Variants in PKD1L1 observed in about 807,000 individuals in gnomAD.
PKD1L1 encodes the protein polycystin-1-like protein 1.
In PKD1L1, 236 loss-of-function variants were observed where a neutral mutation model predicts 323.4. That is an observed-to-expected ratio of 0.73 (90% CI 0.66 to 0.81). The LOEUF (loss-of-function observed/expected upper bound fraction) is 0.81. Ranked by LOEUF, PKD1L1 falls within the 40% of genes least tolerant of loss-of-function variation. The pLI is 0.00. For missense variants in PKD1L1, 3,320 were observed against 3,508.0 expected, an observed-to-expected ratio of 0.95 and a Z score of 1.35; for synonymous variants, 1,344 against 1,335.0, an observed-to-expected ratio of 1.01 and a Z score of -0.15.
intron 46 of PKD1L1, among the ~76,000 whole-genome samples, chr7:47,820,627 T>C (rs879926498): frequency 6.6e-6 from 1 of 152,100 alleles, no homozygotes; most frequent in Non-Finnish European, 1.5e-5. Context: ...CTTGGGAGGC[T>C]GAGGCAGGAG....
chr7:47,840,625 T>C lies in PKD1L1; in HGVS notation c.5446-58A>G. 2 of 1,341,608 alleles carry C rather than the reference T, an allele frequency of 1.5e-6. No individual in the cohort carries two copies. The highest frequency in any genetic ancestry group is 3.4e-5 in the Admixed American group (2 of 59,008). 83.1% of individuals were successfully genotyped at this position (1,341,608 alleles called of 1,614,324 possible). Reference sequence around the variant, plus strand: ...CTATTTCACAGCAGACACCATGCAATGCTGGGCAGGGCTTCCTCGCACTTT... The same window carrying C: ...CTATTTCACAGCAGACACCATGCAACGCTGGGCAGGGCTTCCTCGCACTTT... On this transcript the variant is annotated intron_variant, in intron 34 of 56. Coordinates refer to ENST00000289672, the MANE Select transcript of PKD1L1 (RefSeq NM_138295.5). The surrounding 1 kb of genome is among the most constrained non-coding windows in gnomAD (Gnocchi z 4.1).
chr7:47,863,498 A>G (rs528968116), intron 26 of PKD1L1, among the ~76,000 whole-genome samples: 1 of 152,082 alleles, frequency 6.6e-6, no homozygotes, highest in Non-Finnish European at 1.5e-5. Flanking sequence ...GTAACTGTAG[A>G]TGGGAAGAGC....
At chr7:47,845,211 A>T (rs1437728493) in intron 32 of PKD1L1, 133 bp from the exon 33 acceptor site, 1 of 676,946 alleles carries the variant, frequency 1.5e-6, no homozygotes, top group Non-Finnish European at 2.4e-6. Flanking sequence ...ACTAAGACCC[A>T]GTTTAAAAGA....
At chr7:47,853,907 C>T (rs1785841644) in intron 30 of PKD1L1, among the ~76,000 whole-genome samples, 1 of 152,070 alleles carries the variant, frequency 6.6e-6, no homozygotes, top group Non-Finnish European at 1.5e-5. Context: ...AGCACCCACA[C>T]GTATGTTTGC....
At chr7:47,788,665 G>A (rs570653534) in intron 56 of PKD1L1, among the ~76,000 whole-genome samples, 6 of 148,440 alleles carry the variant, frequency 4.0e-5, no homozygotes, top group South Asian at 2.1e-4. Flanking sequence ...GTGCAATCTC[G>A]GCTCACAGCA....
At chr7:47,893,852 C>T (rs757541493) in intron 15 of PKD1L1, 26 bp downstream of exon 15, 3 of 1,607,354 alleles carry the variant, frequency 1.9e-6, no homozygotes, top group Non-Finnish European at 2.5e-6. Context: ...AGTAGCTGCG[C>T]AGCTCTGTGT....
intron 45 of PKD1L1, among the ~76,000 whole-genome samples, chr7:47,823,590 C>G (rs1243512517): frequency 6.6e-6 from 1 of 152,128 alleles, no homozygotes; most frequent in East Asian, 1.9e-4. Flanking sequence ...GGTAGGTTGC[C>G]TCATAGATGA....
chr7:47,850,267 C>A (rs1785750562), intron 31 of PKD1L1, among the ~76,000 whole-genome samples: 1 of 152,220 alleles, frequency 6.6e-6, no homozygotes, highest in African/African-American at 2.4e-5. Flanking sequence ...GCTCTGAATA[C>A]ATACATCTTT....
chr7:47,880,628 CT>C, intron 21 of PKD1L1, 99 bp downstream of exon 21: 1 of 853,154 alleles, frequency 1.2e-6, no homozygotes, highest in Non-Finnish European at 1.8e-6. Flanking sequence ...AGCCTTTACG[CT>C]GATGTAGACC....
Position 47,910,826 on chromosome 7 carries a change from T to TTGTGTGTGTGTGTGTGTGTGTGTG in PKD1L1, c.1229-2600_1229-2577dup, listed in dbSNP as rs60550498. ...TGTCCGCCACCACGCCCAGCTGATT[T>TTGTGTGTGTGTGTGTGTGTGTGTG]TGTGTGTGTGTGTGTGTGTGTGTGT... On this transcript the variant is annotated intron_variant, in intron 8 of 56. Transcript: ENST00000289672. Among the ~76,000 whole-genome samples, 126 of 126,124 alleles carry TTGTGTGTGTGTGTGTGTGTGTGTG rather than the reference T, an allele frequency of 1.0e-3. 1 individual carries two copies. The highest frequency in any genetic ancestry group is 3.9e-3 in the African/African-American group (116 of 30,050). The allele number at this position is 126,124 out of a possible 152,430, so 82.7% of individuals were successfully genotyped here.
chr7:47,906,031 C>A lies in PKD1L1; in HGVS notation c.1403-69G>T, dbSNP rs1383466521. On this transcript the variant is annotated intron_variant, in intron 9 of 56. Transcript: ENST00000289672. ...TAATTCACTTTTATCATGCAACACA[C>A]AGTCAGTATTTTTCATTTTTAACTT... 14 of 1,373,438 alleles carry A rather than the reference C, an allele frequency of 1.0e-5. No homozygotes were observed. The East Asian group carries it at 3.8e-4, about 37-fold the overall frequency. 85.1% of individuals were successfully genotyped at this position (1,373,438 alleles called of 1,614,324 possible).
chr7:47,800,746 T>C lies in PKD1L1; in HGVS notation c.8096A>G (p.Lys2699Arg). 6.2e-7 allele frequency: 1 copy of C among 1,614,114 alleles called. No individual in the cohort carries two copies. The highest frequency in any genetic ancestry group is 1.6e-4 in the Middle Eastern group (1 of 6,062). The change falls in exon 54 of 57, where the codon AAA becomes AGA. Residue 2699 changes from lysine to arginine, a missense_variant. Transcript: ENST00000289672. ...LLFHFPRRSQKDCLLGLSKSD... is the reference protein window; with the variant it reads ...LLFHFPRRSQRDCLLGLSKSD... The stretch of plus-strand genomic sequence containing the variant: ...CTTGGAAAGGCCAAGGAGGCAGTCT[T>C]TTTGGCTTCTTCTGGGAAAATGAAA...
rs777266233 is a variant in PKD1L1, at chr7:47,893,943, G to A, written c.2388C>T (p.Thr796=). 60 of 1,613,964 alleles carry A rather than the reference G, an allele frequency of 3.7e-5. No individual in the cohort carries two copies. The highest frequency in any genetic ancestry group is 1.8e-4 in the South Asian group (16 of 91,076). The part of the protein sequence containing the change: ...EGTHLFFSRT[T]SSPIVLRGTQ... ...TCCCTCTGAGGACAATGGGGGATGAGGTGGTCCTGGAGAAGAATAGGTGTG... is the reference window on the plus strand; with the variant it reads ...TCCCTCTGAGGACAATGGGGGATGAAGTGGTCCTGGAGAAGAATAGGTGTG... The change falls in exon 15 of 57, where the codon ACC becomes ACT. Residue 796 remains threonine, a synonymous_variant. Coordinates refer to ENST00000289672, the MANE Select transcript of PKD1L1 (RefSeq NM_138295.5).
intron 3 of PKD1L1, among the ~76,000 whole-genome samples, chr7:47,939,179 C>T (rs1307135154): frequency 1.3e-5 from 2 of 152,162 alleles, no homozygotes; most frequent in Admixed American, 6.5e-5. Flanking sequence ...CTTGAACTTT[C>T]GCTGACAAAA....
intron 19 of PKD1L1, among the ~76,000 whole-genome samples, chr7:47,882,559 A>G (rs1786586037): frequency 6.6e-6 from 1 of 151,798 alleles, no homozygotes; most frequent in Non-Finnish European, 1.5e-5. Context: ...TCTGAGATGG[A>G]GGTCAGGGAG....
intron 8 of PKD1L1, among the ~76,000 whole-genome samples, chr7:47,913,520 C>T (rs1392373360): frequency 6.6e-6 from 1 of 152,062 alleles, no homozygotes; most frequent in Non-Finnish European, 1.5e-5. Context: ...TAGTGTCACC[C>T]CCAATCCCTG....
intron 17 of PKD1L1, among the ~76,000 whole-genome samples, chr7:47,887,161 C>T (rs1786703272): frequency 6.6e-6 from 1 of 152,200 alleles, no homozygotes. Flanking sequence ...GGCACAATCA[C>T]CCTCTATGTC....
intron 54 of PKD1L1, among the ~76,000 whole-genome samples, chr7:47,797,524 C>T (rs1433001675): frequency 6.6e-6 from 1 of 152,176 alleles, no homozygotes; most frequent in African/African-American, 2.4e-5. Flanking sequence ...AGCAACACAC[C>T]CATGGCAGAC....
At chr7:47,859,844 G>A (rs1050083618) in intron 26 of PKD1L1, among the ~76,000 whole-genome samples, 2 of 151,970 alleles carry the variant, frequency 1.3e-5, no homozygotes, top group Non-Finnish European at 2.9e-5. Context: ...TGGCCAGGCT[G>A]ATCTTGAACT....
Sources: gnomAD v4.1 joint callset for allele counts (sites outside exome capture counted in the v4.1 genomes callset) on GRCh38, gnomAD v4.1.1 for gene constraint, Gnocchi (gnomAD v3.1) non-coding constraint, MANE v1.5 for transcripts, NCBI Gene and HGNC (gene_info 2026-07-23, HGNC 2026-07-21) for gene names.